The following KDM4B variants were observed in gnomAD, a reference collection of about 807,000 sequenced individuals.
KDM4B encodes the protein lysine-specific demethylase 4B.
Under a neutral mutation model 125.2 loss-of-function variants are expected in KDM4B, and 32 were observed. That is an observed-to-expected ratio of 0.26 (90% CI 0.19 to 0.34). KDM4B has a LOEUF of 0.34. KDM4B is among the 10% of genes least tolerant of loss of function. The probability of loss-of-function intolerance (pLI) is 1.00; values close to 1 mark genes in which losing one functional copy is unlikely to be tolerated. For synonymous variants in KDM4B, 721 were observed against 677.9 expected (o/e 1.06, Z -0.99); for missense variants, 1,190 against 1,577.7 (o/e 0.75, Z 4.16).
chr19:5,046,113 C>T (rs2037016849), intron 5 of KDM4B, among the ~76,000 whole-genome samples: 1 of 152,218 alleles, frequency 6.6e-6, no homozygotes, highest in Non-Finnish European at 1.5e-5. Flanking sequence ...GGTTGGCTGG[C>T]CTGCACTGCC....
At chr19:5,088,670 C>CG (rs914086058) in intron 9 of KDM4B, among the ~76,000 whole-genome samples, 6 of 144,752 alleles carry the variant, frequency 4.1e-5, no homozygotes, top group Admixed American at 6.8e-5. Flanking sequence ...CCCCCTCCCC[C>CG]CCCCCGCAAA....
At chr19:5,101,647 G>A (rs946119840) in intron 9 of KDM4B, among the ~76,000 whole-genome samples, 1 of 150,324 alleles carries the variant, frequency 6.7e-6, no homozygotes, top group Non-Finnish European at 1.5e-5. Flanking sequence ...TACCCGGGGA[G>A]GTCTGGGTGG....
intron 2 of KDM4B, among the ~76,000 whole-genome samples, chr19:5,027,821 G>A (rs187127833): frequency 5.3e-5 from 8 of 152,240 alleles, no homozygotes; most frequent in South Asian, 2.1e-4. Context: ...GATTACAGGC[G>A]TGAGCCACCG....
chr19:5,001,037 CT>C (rs567781498), intron 1 of KDM4B, among the ~76,000 whole-genome samples: 141 of 144,812 alleles, frequency 9.7e-4, no homozygotes, highest in Admixed American at 1.0e-3. Context: ...ATGTCCCCTT[CT>C]TTTTTTTTTT....
intron 21 of KDM4B, among the ~76,000 whole-genome samples, chr19:5,146,398 GA>G (rs2039846540): frequency 6.6e-6 from 1 of 152,248 alleles, no homozygotes; most frequent in African/African-American, 2.4e-5. Flanking sequence ...TGGTTTCGGG[GA>G]CAAGCCATCC....
intron 1 of KDM4B, among the ~76,000 whole-genome samples, chr19:4,969,456 G>C (rs2034167294): frequency 6.7e-6 from 1 of 148,576 alleles, no homozygotes; most frequent in Non-Finnish European, 1.5e-5. Flanking sequence ...GGGGGCGGCG[G>C]GGCCGGACAA....
intron 6 of KDM4B, among the ~76,000 whole-genome samples, chr19:5,048,858 G>A (rs1178983874): frequency 6.6e-6 from 1 of 152,204 alleles, no homozygotes; most frequent in Non-Finnish European, 1.5e-5. Context: ...CCTGTGGGGC[G>A]GGAAGTGGCG....
intron 2 of KDM4B, among the ~76,000 whole-genome samples, chr19:5,026,638 G>A (rs1351384918): frequency 6.6e-6 from 1 of 152,186 alleles, no homozygotes; most frequent in Non-Finnish European, 1.5e-5. Context: ...GGGGCCCTGG[G>A]TTCCCGAGGC....
rs564288916 is a variant in KDM4B, at chr19:5,044,943, C to T, written c.433-2533C>T. Among the ~76,000 whole-genome samples, 17 of 152,276 alleles carry T rather than the reference C, an allele frequency of 1.1e-4. No individual in the cohort carries two copies. The East Asian group carries it at 2.5e-3, about 22-fold the overall frequency. ...GGCTTGAGAGCTCATTTCTTTTCAG[C>T]GCTGAATAATACTCCATGGTCCGGG... On this transcript the variant is annotated intron_variant, in intron 5 of 22. Transcript: ENST00000159111.
At chr19:5,145,879 A>C (rs1356572489) in intron 21 of KDM4B, among the ~76,000 whole-genome samples, 1 of 152,204 alleles carries the variant, frequency 6.6e-6, no homozygotes, top group Non-Finnish European at 1.5e-5. Flanking sequence ...CTTTGTAAAC[A>C]TCGGAGTTCA....
chr19:5,110,588 G>T (rs2039121054), intron 9 of KDM4B, 34 bp from the exon 10 acceptor site: 1 of 1,610,068 alleles, frequency 6.2e-7, no homozygotes, highest in Admixed American at 1.7e-5. Flanking sequence ...GTCCAGGTGT[G>T]GCGCGAGGGC....
chr19:4,999,755 A>G (rs1416957434), intron 1 of KDM4B, among the ~76,000 whole-genome samples: 1 of 136,062 alleles, frequency 7.3e-6, no homozygotes, highest in Admixed American at 7.7e-5. Flanking sequence ...CTATCCATCT[A>G]TCCATCCATC....
At chr19:5,011,925 G>A (rs73540688) in intron 1 of KDM4B, among the ~76,000 whole-genome samples, 1 of 152,330 alleles carries the variant, frequency 6.6e-6, no homozygotes, top group South Asian at 2.1e-4. Flanking sequence ...CGCCCCACCC[G>A]CGGGTCTTGG....
At chr19:4,992,865 T>C (rs1461573887) in intron 1 of KDM4B, among the ~76,000 whole-genome samples, 7 of 152,236 alleles carry the variant, frequency 4.6e-5, no homozygotes, top group African/African-American at 1.4e-4. Context: ...TTAATTTCCA[T>C]GTACTTGTGA....
intron 9 of KDM4B, among the ~76,000 whole-genome samples, chr19:5,091,194 A>G (rs914646283): frequency 1.3e-5 from 2 of 152,174 alleles, no homozygotes; most frequent in African/African-American, 4.8e-5. Flanking sequence ...GTGCTGGTAG[A>G]TAAGGGTCTC....
chr19:5,055,226 C>T (rs770556173), intron 6 of KDM4B, among the ~76,000 whole-genome samples: 3 of 152,200 alleles, frequency 2.0e-5, no homozygotes, highest in Admixed American at 6.5e-5. Flanking sequence ...CCAGGGTGAC[C>T]GGGAAACCCG....
intron 9 of KDM4B, among the ~76,000 whole-genome samples, chr19:5,094,841 C>T (rs969676970): frequency 6.6e-6 from 1 of 152,226 alleles, no homozygotes; most frequent in African/African-American, 2.4e-5. Context: ...TCAGGCCAGC[C>T]GCGGGTCAAG....
At chr19:5,037,006 T>TGTCTTA (rs1426033596) in intron 3 of KDM4B, among the ~76,000 whole-genome samples, 3 of 152,236 alleles carry the variant, frequency 2.0e-5, no homozygotes, top group Non-Finnish European at 4.4e-5. Context: ...GGCTCCCAGA[T>TGTCTTA]GTCTTTACTA....
At chr19:5,073,668 C>G (rs2038015491) in intron 7 of KDM4B, among the ~76,000 whole-genome samples, 1 of 152,238 alleles carries the variant, frequency 6.6e-6, no homozygotes, top group African/African-American at 2.4e-5. Context: ...CATCCCCTCT[C>G]CCTGGAATGT....
Sources: gnomAD v4.1 joint callset for allele counts (sites outside exome capture counted in the v4.1 genomes callset) on GRCh38, gnomAD v4.1.1 for gene constraint, MANE v1.5 for transcripts, NCBI Gene and HGNC (gene_info 2026-07-23, HGNC 2026-07-21) for gene names.